Variants in SYN3 observed in about 807,000 individuals in gnomAD.
SYN3 encodes synapsin III.
SYN3 carries 35 observed loss-of-function variants against 65.8 expected under a neutral mutation model. The observed-to-expected ratio is 0.53, with a 90% CI of 0.41 to 0.70. The LOEUF is 0.70. Among genes scored for constraint, SYN3 ranks in the 30% least tolerant of loss-of-function variants. SYN3 has a pLI of 0.00. For synonymous variants in SYN3, 270 were observed against 292.9 expected (o/e 0.92, Z 0.80); for missense variants, 680 against 749.0 (o/e 0.91, Z 1.08).
chr22:32,862,598 A>ACTAGAG (rs756760731), intron 6 of SYN3: 6 of 152,204 alleles, frequency 3.9e-5, no homozygotes, highest in Admixed American at 6.5e-5. Context: ...TAAGGTTAAC[A>ACTAGAG]TGTCACTAGA....
intron 6 of SYN3, among the ~76,000 whole-genome samples, chr22:32,814,296 G>A: frequency 1.5e-4 from 1 of 6,730 alleles, no homozygotes; most frequent in Non-Finnish European, 2.9e-4. Flanking sequence ...AGGGAAGGAA[G>A]GAAGGAGAGA....
intron 4 of SYN3, among the ~76,000 whole-genome samples, chr22:32,876,975 G>A (rs1205339128): frequency 6.6e-6 from 1 of 152,194 alleles, no homozygotes; most frequent in African/African-American, 2.4e-5. Flanking sequence ...TAGACGGTAG[G>A]TAGATAGATA....
chr22:33,017,238 G>C (rs1364104731), intron 1 of SYN3, among the ~76,000 whole-genome samples: 1 of 152,096 alleles, frequency 6.6e-6, no homozygotes, highest in Non-Finnish European at 1.5e-5. Flanking sequence ...TTATTTCTGG[G>C]ATCTCTTTGC....
In SYN3 at chr22:32,771,884, G is replaced by A. The variant is rs567467775; in HGVS notation, c.711+93031C>T. Among the ~76,000 whole-genome samples, 70 of 152,236 alleles carry A rather than the reference G, an allele frequency of 4.6e-4. No individual in the cohort carries two copies. The South Asian group carries it at 6.6e-3, about 14-fold the overall frequency. The stretch of plus-strand genomic sequence containing the variant: ...AACGAATCTAGATCTCTCTTCCAAC[G>A]GTCAAAATTAGAAAGGGGAGAGGGA... On this transcript the variant is annotated intron_variant, in intron 6 of 13. Coordinates refer to ENST00000358763, the MANE Select transcript of SYN3 (RefSeq NM_003490.4).
At position 32,624,686 on chromosome 22, in the gene SYN3, G is replaced by A. The variant is rs557497062; in HGVS notation, c.712-27950C>T. Among the ~76,000 whole-genome samples, 416 of 152,292 alleles carry A rather than the reference G, an allele frequency of 2.7e-3. 3 individuals are homozygous for A. The highest frequency in any genetic ancestry group is 3.4e-3 in the Non-Finnish European group (232 of 68,010). On this transcript the variant is annotated intron_variant, in intron 6 of 13. Transcript: ENST00000358763. ...GGCCTTTGGTCGCTGGGCACCTGCT[G>A]GAAGGCACTGCCATGTGGAAAGAGG...
intron 6 of SYN3, among the ~76,000 whole-genome samples, chr22:32,764,180 T>C (rs2045563412): frequency 6.6e-6 from 1 of 152,062 alleles, no homozygotes; most frequent in African/African-American, 2.4e-5. Context: ...AGACCTCAGG[T>C]GATCCACCCG....
At chr22:32,648,022 CTT>C (rs2060008991) in intron 6 of SYN3, among the ~76,000 whole-genome samples, 2 of 152,244 alleles carry the variant, frequency 1.3e-5, no homozygotes, top group Admixed American at 1.3e-4. Flanking sequence ...TACAGACACA[CTT>C]TTAGAAAAGT....
At chr22:32,857,538 G>A (rs62234165) in intron 6 of SYN3, among the ~76,000 whole-genome samples, 17 of 152,280 alleles carry the variant, frequency 1.1e-4, no homozygotes, top group Non-Finnish European at 1.8e-4. Context: ...CTACACTTAG[G>A]CTGGACTTTG....
intron 4 of SYN3, among the ~76,000 whole-genome samples, chr22:32,928,663 T>C (rs1249376636): frequency 1.3e-5 from 2 of 152,202 alleles, no homozygotes; most frequent in South Asian, 2.1e-4. Context: ...ATTATTTTTA[T>C]TTATCCGCTT....
chr22:32,994,821 C>G (rs1271294422), intron 2 of SYN3, among the ~76,000 whole-genome samples: 1 of 152,182 alleles, frequency 6.6e-6, no homozygotes, highest in Non-Finnish European at 1.5e-5. Context: ...CTGGCTTCCA[C>G]AACGATTATA....
At chr22:32,830,557 T>C (rs969531060) in intron 6 of SYN3, among the ~76,000 whole-genome samples, 3 of 152,126 alleles carry the variant, frequency 2.0e-5, no homozygotes, top group Non-Finnish European at 4.4e-5. Flanking sequence ...CTGTGACCTT[T>C]CTTATTGTGT....
intron 3 of SYN3, among the ~76,000 whole-genome samples, chr22:32,972,705 A>G (rs2052056388): frequency 6.6e-6 from 1 of 152,190 alleles, no homozygotes; most frequent in Non-Finnish European, 1.5e-5. Flanking sequence ...GTGGAAGCAC[A>G]GGTCTGGCTA....
chr22:32,832,650 G>A (rs1006434950), intron 6 of SYN3, among the ~76,000 whole-genome samples: 4 of 151,628 alleles, frequency 2.6e-5, no homozygotes, highest in Admixed American at 2.0e-4. Context: ...TTGGGAGACA[G>A]AGTCTGGTTT....
At chr22:32,990,673 T>A (rs941203356) in intron 2 of SYN3, among the ~76,000 whole-genome samples, 3 of 152,126 alleles carry the variant, frequency 2.0e-5, no homozygotes, top group African/African-American at 7.3e-5. Flanking sequence ...CTGACTCCTG[T>A]CTTCTTTATC....
chr22:32,608,370 C>T (rs2059397939), intron 6 of SYN3, among the ~76,000 whole-genome samples: 1 of 152,204 alleles, frequency 6.6e-6, no homozygotes, highest in African/African-American at 2.4e-5. Context: ...ATGCCCAGCC[C>T]ATGTCAGATG....
At chr22:32,556,874 G>A (rs1221195022) in intron 7 of SYN3, among the ~76,000 whole-genome samples, 1 of 137,370 alleles carries the variant, frequency 7.3e-6, no homozygotes, top group Non-Finnish European at 1.5e-5. Flanking sequence ...GCCCAGGCTG[G>A]TCTCGAACTC....
intron 3 of SYN3, among the ~76,000 whole-genome samples, chr22:32,948,876 TAA>T (rs200190615): frequency 7.4e-6 from 1 of 135,174 alleles, no homozygotes; most frequent in Non-Finnish European, 1.6e-5. Flanking sequence ...ATTAAATGTC[TAA>T]AAAAAAAAAA....
chr22:32,701,865 GA>G (rs2060814865), intron 6 of SYN3, among the ~76,000 whole-genome samples: 1 of 151,888 alleles, frequency 6.6e-6, no homozygotes, highest in Non-Finnish European at 1.5e-5. Flanking sequence ...AAATATTAAT[GA>G]AAAAAATGTT....
chr22:32,737,866 G>T (rs2061354193), intron 6 of SYN3, among the ~76,000 whole-genome samples: 1 of 152,170 alleles, frequency 6.6e-6, no homozygotes, highest in Non-Finnish European at 1.5e-5. Flanking sequence ...GAGCTGATGT[G>T]CCTCCTCCAC....
Sources: allele counts gnomAD v4.1 joint callset (sites outside exome capture counted in the v4.1 genomes callset), GRCh38; gene constraint gnomAD v4.1.1; transcripts MANE v1.5; gene names NCBI Gene and HGNC (gene_info 2026-07-23, HGNC 2026-07-21).